Variants in SULT2A1 observed in about 807,000 individuals in gnomAD.
SULT2A1 encodes the protein sulfotransferase 2A1.
SULT2A1 carries 43 observed loss-of-function variants against 33.9 expected under a neutral mutation model. The observed-to-expected ratio is 1.27, with a 90% CI of 1.00 to 1.64. The LOEUF (loss-of-function observed/expected upper bound fraction) is 1.64, where lower values mean the gene tolerates loss of function less well. SULT2A1 is among the 40% of genes most tolerant of loss of function. SULT2A1 has a pLI of 0.00. For missense variants in SULT2A1, 300 were observed against 335.1 expected (o/e 0.90, Z 0.82); for synonymous variants, 125 against 113.6 (o/e 1.10, Z -0.64).
chr19:47,883,948 A>G (rs1440052014), intron 1 of SULT2A1, among the ~76,000 whole-genome samples, 163 bp from the exon 2 acceptor site: 1 of 151,496 alleles, frequency 6.6e-6, no homozygotes, highest in African/African-American at 2.4e-5. Flanking sequence ...TCTACTAAAA[A>G]TACAAAAATT....
intron 4 of SULT2A1, among the ~76,000 whole-genome samples, chr19:47,876,745 G>A (rs890849429): frequency 1.0e-4 from 15 of 143,206 alleles, no homozygotes; most frequent in African/African-American, 3.9e-4. Context: ...ACTCCAGCCT[G>A]GGTGACAGAG....
chr19:47,879,833 C>T (rs540903751), intron 3 of SULT2A1, among the ~76,000 whole-genome samples: 35 of 151,094 alleles, frequency 2.3e-4, no homozygotes, highest in Middle Eastern at 3.4e-3. Flanking sequence ...ATGTAAATGA[C>T]GAGTTAATGG....
At chr19:47,875,339 T>A (rs979632808) in intron 4 of SULT2A1, among the ~76,000 whole-genome samples, 10 of 151,608 alleles carry the variant, frequency 6.6e-5, no homozygotes, top group African/African-American at 2.2e-4. Context: ...ATGAAGTATG[T>A]AAAAGATGCA....
At chr19:47,881,984 T>C in intron 3 of SULT2A1, 100 bp downstream of exon 3, 1 of 1,518,674 alleles carries the variant, frequency 6.6e-7, no homozygotes, top group Non-Finnish European at 8.9e-7. Context: ...GGTGGAGCCT[T>C]TCAACCCATG....
At chr19:47,879,496 C>T (rs2547237) in intron 3 of SULT2A1, among the ~76,000 whole-genome samples, 129,180 of 151,906 alleles carry the variant, frequency 0.85, 55,070 homozygotes, top group East Asian at 1. Context: ...CCTCACAAGG[C>T]GGCAGGAGGG....
intron 5 of SULT2A1, 56 bp from the exon 6 acceptor site, chr19:47,871,623 C>T: frequency 2.6e-6 from 3 of 1,154,196 alleles, no homozygotes; most frequent in South Asian, 2.5e-5. Context: ...GACCTGTCTC[C>T]ACCAGGCACC....
At position 47,882,103 on chromosome 19, in the gene SULT2A1, T is replaced by C; in HGVS notation, c.453A>G (p.Glu151=). The C allele has an allele frequency of 6.2e-7, 1 of 1,613,752 alleles. No homozygotes were observed. The highest frequency in any genetic ancestry group is 8.5e-7 in the Non-Finnish European group (1 of 1,179,914). ...KKPKSWEEYF[E]WFCQGTVLYG... ...ACTCACCAGTTCCTTGACAAAACCA[T>C]TCAAAATATTCTTCCCATGACTTTG... is the stretch of plus-strand genomic sequence containing the variant. Residue 151 remains glutamate, a synonymous_variant, in exon 3 of 6, where the codon GAA becomes GAG. Transcript: ENST00000222002.
chr19:47,882,786 A>C (rs557457323), intron 2 of SULT2A1, among the ~76,000 whole-genome samples: 5 of 152,148 alleles, frequency 3.3e-5, no homozygotes, highest in African/African-American at 1.2e-4. Flanking sequence ...ATGGTGGCGC[A>C]CACCTCTAGT....
At chr19:47,877,923 C>T (rs894494375) in intron 4 of SULT2A1, among the ~76,000 whole-genome samples, 6 of 152,206 alleles carry the variant, frequency 3.9e-5, no homozygotes, top group Non-Finnish European at 8.8e-5. Flanking sequence ...CTATTCACTC[C>T]AGTACTTGGA....
chr19:47,874,912 A>T, intron 4 of SULT2A1, 78 bp from the exon 5 acceptor site: 2 of 1,338,854 alleles, frequency 1.5e-6, no homozygotes. Context: ...CTGTAATCCC[A>T]GCACTCTGGG....
chr19:47,875,377 C>A (rs7256697), intron 4 of SULT2A1, among the ~76,000 whole-genome samples: 113,512 of 151,630 alleles, frequency 0.75, 42,609 homozygotes, highest in Admixed American at 0.82. Context: ...GTGGCTCCTG[C>A]CTGTAATTCC....
Position 47,886,110 on chromosome 19 carries a change from C to A in SULT2A1, c.136+12G>T. 1.2e-6 allele frequency: 2 copies of A among 1,612,724 alleles called. No homozygotes were observed. The highest frequency in any genetic ancestry group is 1.1e-5 in the South Asian group (1 of 90,826). On this transcript the variant is annotated intron_variant, in intron 1 of 5. Coordinates refer to ENST00000222002, the MANE Select transcript of SULT2A1 (RefSeq NM_003167.4). The stretch of plus-strand genomic sequence containing the variant: ...CCACAGCCTTTCTCAGTTCACGATT[C>A]TGCCTCCTTACCTGATTTGGGGTAA...
intron 1 of SULT2A1, 98 bp from the exon 2 acceptor site, chr19:47,883,883 T>A: frequency 9.0e-7 from 1 of 1,107,056 alleles, no homozygotes; most frequent in Non-Finnish European, 1.3e-6. Context: ...CTGAGGCAAG[T>A]GATCATGAGG....
At chr19:47,884,236 A>G (rs1053494291) in intron 1 of SULT2A1, among the ~76,000 whole-genome samples, 1 of 150,856 alleles carries the variant, frequency 6.6e-6, no homozygotes, top group Non-Finnish European at 1.5e-5. Context: ...CAATGGCACG[A>G]TCTCAGTTCA....
At chr19:47,875,113 G>A (rs1273384206) in intron 4 of SULT2A1, among the ~76,000 whole-genome samples, 1 of 132,244 alleles carries the variant, frequency 7.6e-6, no homozygotes, top group Non-Finnish European at 1.5e-5. Context: ...AGTGAGCTGA[G>A]ATCACGCCAC....
rs530882499 is a variant in SULT2A1, at chr19:47,876,558, A to G, written c.568-1724T>C. On this transcript the variant is annotated intron_variant, in intron 4 of 5. Coordinates refer to ENST00000222002, the MANE Select transcript of SULT2A1 (RefSeq NM_003167.4). ...CTTGTTACAAAGGGCTTCTTAACAGAAATGAAATTCATTCCAGCTTGGTCA... is the reference window on the plus strand; with the variant it reads ...CTTGTTACAAAGGGCTTCTTAACAGGAATGAAATTCATTCCAGCTTGGTCA... 2.0e-5 allele frequency among the ~76,000 whole-genome samples: 3 copies of G among 152,118 alleles called. No homozygotes were observed. In the East Asian group the frequency reaches 5.8e-4, roughly 29 times the overall value.
intron 1 of SULT2A1, among the ~76,000 whole-genome samples, chr19:47,884,524 G>A (rs1173223429): frequency 1.4e-5 from 2 of 144,996 alleles, no homozygotes; most frequent in Non-Finnish European, 3.0e-5. Context: ...TGTAGCCCAG[G>A]CTAGAGTGCA....
chr19:47,884,599 C>T (rs1968637190), intron 1 of SULT2A1, among the ~76,000 whole-genome samples: 1 of 151,644 alleles, frequency 6.6e-6, no homozygotes, highest in South Asian at 2.1e-4. Context: ...ACTTCGGCCT[C>T]CTGCTTCAGC....
In SULT2A1 at chr19:47,874,541, G is replaced by GAAAAAAAAAAAAAAAAAAAAA. The variant is rs386389152; in HGVS notation, c.745+115_745+116insTTTTTTTTTTTTTTTTTTTTT. 9.2e-6 allele frequency: 3 copies of GAAAAAAAAAAAAAAAAAAAAA among 325,142 alleles called. 1 individual carries two copies. The highest frequency in any genetic ancestry group is 1.0e-5 in the Non-Finnish European group (2 of 198,778). 20.1% of individuals were successfully genotyped at this position (325,142 alleles called of 1,614,324 possible). ...GGTGATAGAGCAAGACTTCATCTCG[G>GAAAAAAAAAAAAAAAAAAAAA]AAAAAAAAAAAAAAAAAAAGCACTC... is the stretch of plus-strand genomic sequence containing the variant. On this transcript the variant is annotated intron_variant, in intron 5 of 5. Transcript: ENST00000222002.
Sources: allele counts gnomAD v4.1 joint callset (sites outside exome capture counted in the v4.1 genomes callset), GRCh38; gene constraint gnomAD v4.1.1; transcripts MANE v1.5; gene names NCBI Gene and HGNC (gene_info 2026-07-23, HGNC 2026-07-21).